The following TMEM117 variants were observed in gnomAD, a reference collection of about 807,000 sequenced individuals.
The protein encoded by TMEM117 is transmembrane protein 117.
A neutral mutation model predicts 52.4 loss-of-function variants in TMEM117; 27 were observed. That is an observed-to-expected ratio of 0.51 (90% CI 0.38 to 0.71). The LOEUF (loss-of-function observed/expected upper bound fraction) is 0.71. TMEM117 is among the 30% of genes least tolerant of loss of function. TMEM117 has a pLI of 0.00. For synonymous variants in TMEM117, 215 were observed against 206.3 expected (o/e 1.04, Z -0.36); for missense variants, 556 against 630.5 (o/e 0.88, Z 1.26).
chr12:44,354,044 A>T (rs1033610592), intron 6 of TMEM117, among the ~76,000 whole-genome samples: 2 of 152,042 alleles, frequency 1.3e-5, no homozygotes, highest in African/African-American at 4.8e-5. Context: ...TAGGTATTTT[A>T]TTCTCTTTGA....
intron 3 of TMEM117, among the ~76,000 whole-genome samples, chr12:43,963,814 C>A (rs901143367): frequency 6.6e-6 from 1 of 152,160 alleles, no homozygotes; most frequent in African/African-American, 2.4e-5. Context: ...GAGCTAAAGT[C>A]AGGAGTTTTG....
At chr12:44,311,787 GTATATATATGTATATATGTATATA>G (rs1950983212) in intron 6 of TMEM117, among the ~76,000 whole-genome samples, 1 of 19,404 alleles carries the variant, frequency 5.2e-5, no homozygotes, top group South Asian at 4.8e-3. Flanking sequence ...GTGTATATAT[GTATATATATGTATATATGTATATA>G]TGTATATATA....
chr12:44,253,876 A>ACC (rs1555142450), intron 5 of TMEM117, among the ~76,000 whole-genome samples: 9 of 143,394 alleles, frequency 6.3e-5, no homozygotes, highest in Non-Finnish European at 1.2e-4. Context: ...ACACACACAC[A>ACC]CCTTCTCTCT....
At chr12:44,154,075 T>C (rs1948792170) in intron 4 of TMEM117, among the ~76,000 whole-genome samples, 1 of 152,044 alleles carries the variant, frequency 6.6e-6, no homozygotes, top group Admixed American at 6.6e-5. Flanking sequence ...AAGCTTTATC[T>C]CAGACCTGGA....
At chr12:43,819,119 G>T in the TMEM117 span, among the ~76,000 whole-genome samples, 2 of 152,160 alleles carry the variant, frequency 1.3e-5, no homozygotes, top group Non-Finnish European at 2.9e-5. Flanking sequence ...CATGGCGGAG[G>T]GGAGGAGGGG....
At chr12:43,977,345 T>C (rs1443603945) in intron 3 of TMEM117, among the ~76,000 whole-genome samples, 2 of 152,246 alleles carry the variant, frequency 1.3e-5, no homozygotes, top group East Asian at 1.9e-4. Context: ...CCTTCATTTC[T>C]GATACCAGGT....
At chr12:43,898,367 TTAA>T (rs1342071709) in intron 2 of TMEM117, among the ~76,000 whole-genome samples, 4 of 140,512 alleles carry the variant, frequency 2.8e-5, no homozygotes, top group Non-Finnish European at 6.3e-5. Flanking sequence ...ATATATATTA[TTAA>T]TAATATATAT....
intron 3 of TMEM117, among the ~76,000 whole-genome samples, chr12:44,129,691 G>T (rs1363478278): frequency 6.6e-6 from 1 of 152,104 alleles, no homozygotes; most frequent in East Asian, 1.9e-4. Context: ...ATGTAAAAAT[G>T]GTAGCCCTTT....
chr12:44,308,260 A>G (rs1214669847), intron 6 of TMEM117, among the ~76,000 whole-genome samples: 1 of 152,242 alleles, frequency 6.6e-6, no homozygotes, highest in Non-Finnish European at 1.5e-5. Context: ...TTTCAAAGCC[A>G]TCCTGAAGCA....
chr12:44,392,989 C>T (rs1163271325), downstream of TMEM117, among the ~76,000 whole-genome samples: 5 of 152,036 alleles, frequency 3.3e-5, no homozygotes, highest in African/African-American at 4.8e-5. Context: ...CATATAAAAG[C>T]TGATATCCTG....
chr12:44,031,869 G>C (rs1946638258), intron 3 of TMEM117, among the ~76,000 whole-genome samples: 1 of 152,172 alleles, frequency 6.6e-6, no homozygotes, highest in Non-Finnish European at 1.5e-5. Flanking sequence ...TTTTACCAAG[G>C]CTTTGGCTGG....
chr12:44,053,156 C>A (rs1947001493), intron 3 of TMEM117, among the ~76,000 whole-genome samples: 1 of 152,156 alleles, frequency 6.6e-6, no homozygotes, highest in South Asian at 2.1e-4. Flanking sequence ...CACTTGCCTT[C>A]CCTTCAGATG....
At chr12:44,127,418 T>G in intron 3 of TMEM117, among the ~76,000 whole-genome samples, 1 of 152,162 alleles carries the variant, frequency 6.6e-6, no homozygotes, top group East Asian at 1.9e-4. Context: ...GGCGCGTGCC[T>G]GTTACACCAG....
At chr12:43,954,321 A>G (rs1363310356) in intron 3 of TMEM117, among the ~76,000 whole-genome samples, 2 of 152,174 alleles carry the variant, frequency 1.3e-5, no homozygotes, top group Non-Finnish European at 2.9e-5. Flanking sequence ...ACTGAAGGAG[A>G]TAGAGATATG....
chr12:44,101,551 T>C (rs1168078), intron 3 of TMEM117, among the ~76,000 whole-genome samples: 44,192 of 151,836 alleles, frequency 0.29, 12,235 homozygotes, highest in African/African-American at 0.73. Flanking sequence ...TGGGCATAAG[T>C]CTCTCCCACC....
chr12:44,192,309 TCAGGACCTACTGGATG>T (rs1296227211), intron 4 of TMEM117, among the ~76,000 whole-genome samples: 4 of 152,192 alleles, frequency 2.6e-5, no homozygotes, highest in African/African-American at 9.6e-5. Flanking sequence ...GCACTGCCTT[TCAGGACCTACTGGATG>T]CTTACTGTTT....
At position 44,076,879 on chromosome 12, in the gene TMEM117, G is replaced by A. The variant is rs137878731; in HGVS notation, c.411-66646G>A. Among the ~76,000 whole-genome samples, 350 of 152,300 alleles carry A rather than the reference G, an allele frequency of 2.3e-3. 5 individuals carry two copies. The highest frequency in any genetic ancestry group is 8.1e-3 in the African/African-American group (336 of 41,566). On this transcript the variant is annotated intron_variant, in intron 3 of 7. Coordinates refer to ENST00000266534, the MANE Select transcript of TMEM117 (RefSeq NM_032256.3). Reference sequence around the variant, plus strand: ...ACACCAACCATTTCCAGGAGCAGTAGTAGACAGGCCTTAAACTATTGATTT... The same window carrying A: ...ACACCAACCATTTCCAGGAGCAGTAATAGACAGGCCTTAAACTATTGATTT...
intron 6 of TMEM117, among the ~76,000 whole-genome samples, chr12:44,336,227 T>C (rs1357016713): frequency 6.6e-6 from 1 of 152,006 alleles, no homozygotes; most frequent in Non-Finnish European, 1.5e-5. Flanking sequence ...TGTGATCTTA[T>C]GCAAGTTTGT....
intron 2 of TMEM117, among the ~76,000 whole-genome samples, chr12:43,910,106 G>T (rs1358604639): frequency 1.8e-5 from 2 of 109,884 alleles, no homozygotes; most frequent in African/African-American, 6.1e-5. Context: ...TAAAATACTG[G>T]CAAACCGAAT....
Sources: allele counts gnomAD v4.1 joint callset (sites outside exome capture counted in the v4.1 genomes callset), GRCh38; gene constraint gnomAD v4.1.1; transcripts MANE v1.5; gene names NCBI Gene and HGNC (gene_info 2026-07-23, HGNC 2026-07-21).